Variants in ENOPH1 observed in about 807,000 individuals in gnomAD.
ENOPH1 encodes the protein enolase-phosphatase 1.
Under a neutral mutation model 31.1 loss-of-function variants are expected in ENOPH1, and 14 were observed. That is an observed-to-expected ratio of 0.45 (90% CI 0.30 to 0.70). The LOEUF is 0.70. Among genes scored for constraint, ENOPH1 ranks in the 30% least tolerant of loss-of-function variants. The pLI, the probability that ENOPH1 is intolerant of heterozygous loss-of-function variation, is 0.09. For missense variants in ENOPH1, 243 were observed against 321.5 expected (o/e 0.76, Z 1.87); for synonymous variants, 127 against 123.2 (o/e 1.03, Z -0.21).
rs1416268360 is a variant in ENOPH1 at position 82,450,894 on chromosome 4, A to T, written c.187-149A>T. 6.6e-6 allele frequency: 4 copies of T among 607,982 alleles called. No individual in the cohort carries two copies. The East Asian group carries it at 1.1e-4, about 17-fold the overall frequency. The allele number at this position is 607,982 out of a possible 1,614,324, so 37.7% of individuals were successfully genotyped here. On this transcript the variant is annotated intron_variant, in intron 2 of 5. Transcript: ENST00000273920. ...CCAGGTTCTTTTAGGAATCATTTGTATCAGCTCCAAAGTATATGATGTTTC... is the reference window on the plus strand; with the variant it reads ...CCAGGTTCTTTTAGGAATCATTTGTTTCAGCTCCAAAGTATATGATGTTTC...
rs1722629489 is a variant in ENOPH1 at position 82,460,900 on chromosome 4, T to C, written c.*780T>C. ...CACAGTTTGAGAATACGTTAATTGC[T>C]ATTTACTATTTAAAAAGTTTTACTG... On this transcript the variant is annotated 3_prime_UTR_variant, in exon 6 of 6. Coordinates refer to ENST00000273920, the MANE Select transcript of ENOPH1 (RefSeq NM_021204.5). 6.6e-6 allele frequency: 1 copy of C among 152,268 alleles called. No homozygotes were observed. Among genetic ancestry groups the C allele is most frequent in the South Asian group, 2.1e-4 (1 of 4,834 alleles). The allele number at this position is 152,268 out of a possible 1,614,324, so 9.4% of individuals were successfully genotyped here.
Position 82,447,838 on chromosome 4 carries a change from T to C in ENOPH1, c.85-82T>C, listed in dbSNP as rs540050617. 5 of 731,066 alleles carry C rather than the reference T, an allele frequency of 6.8e-6. No homozygotes were observed. The Admixed American group carries it at 9.1e-5, about 13-fold the overall frequency. 45.3% of individuals were successfully genotyped at this position (731,066 alleles called of 1,614,324 possible). A position where few individuals can be genotyped will look rare whatever the true frequency, so the allele number is the denominator to read the frequency against. ...TCCATTGATTTATTTGTTACAGTTA[T>C]GTAGGTAAGATTGTGGAAGAACTGG... On this transcript the variant is annotated intron_variant, in intron 1 of 5. Transcript: ENST00000273920.
intron 1 of ENOPH1, among the ~76,000 whole-genome samples, chr4:82,443,322 C>G (rs1412456750): frequency 1.3e-5 from 2 of 151,864 alleles, no homozygotes; most frequent in Non-Finnish European, 2.9e-5. Flanking sequence ...CCTGTAGTCC[C>G]AGCTACTCAG....
At chr4:82,453,092 A>G (rs562811387) in intron 3 of ENOPH1, among the ~76,000 whole-genome samples, 387 of 151,518 alleles carry the variant, frequency 2.6e-3, no homozygotes, top group African/African-American at 8.8e-3. Context: ...TAGTAGAGAC[A>G]GTGTTTCACC....
intron 1 of ENOPH1, among the ~76,000 whole-genome samples, chr4:82,439,051 C>G (rs59265670): frequency 3.9e-5 from 6 of 152,246 alleles, no homozygotes; most frequent in Middle Eastern, 3.4e-3. Flanking sequence ...ACTAAAGAGT[C>G]GTGTGGAAAG....
In ENOPH1 at chr4:82,433,402, T is replaced by C. The variant is rs1578091065; in HGVS notation, c.84+2489T>C. ...TTTTTCTGAATTTGACGCTAGGCAA[T>C]GTGCAATTTCAATGCAGGCTGCAAA... On this transcript the variant is annotated intron_variant, in intron 1 of 5. Coordinates refer to ENST00000273920, the MANE Select transcript of ENOPH1 (RefSeq NM_021204.5). Among the ~76,000 whole-genome samples, 3 of 152,322 alleles carry C rather than the reference T, an allele frequency of 2.0e-5. No individual in the cohort carries two copies. In the South Asian group the frequency reaches 6.2e-4, roughly 32 times the overall value.
intron 2 of ENOPH1, among the ~76,000 whole-genome samples, chr4:82,450,423 CCCTTA>C (rs148326016): frequency 1.9e-3 from 289 of 152,328 alleles, no homozygotes; most frequent in African/African-American, 6.9e-3. Flanking sequence ...TTACTTTCCT[CCCTTA>C]CCTTTTTTTG....
chr4:82,446,662 C>CTT (rs34342267), intron 1 of ENOPH1, among the ~76,000 whole-genome samples: 10,609 of 74,688 alleles, frequency 0.14, 1,654 homozygotes, highest in African/African-American at 0.32. Flanking sequence ...TTGCACATCA[C>CTT]TTTTTTTTTT....
At position 82,454,722 on chromosome 4, in the gene ENOPH1, G is replaced by T; in HGVS notation, c.390G>T (p.Glu130Asp). 6.2e-7 allele frequency: 1 copy of T among 1,612,468 alleles called. No individual in the cohort carries two copies. Among genetic ancestry groups the T allele is most frequent in the Non-Finnish European group, 8.5e-7 (1 of 1,179,628 alleles). The change falls in exon 4 of 6, where the codon GAG (glutamate) becomes GAT (aspartate). Residue 130 changes from glutamate (E) to aspartate (D), a missense_variant and splice_region_variant. Physicochemically the swap from Glu to Asp is conservative, Grantham distance 45 (BLOSUM62 2). Coordinates refer to ENST00000273920, the MANE Select transcript of ENOPH1 (RefSeq NM_021204.5). Reference protein sequence around the residue: ...AAFTAGRMKAEFFADVVPAVR... With the variant: ...AAFTAGRMKADFFADVVPAVR... ...TTTAACTTAGTGGTCTTCCCTCTAG[G>T]TTCTTTGCAGATGTAGTTCCAGCAG...
In ENOPH1 at chr4:82,454,716, C is replaced by T; in HGVS notation, c.390-6C>T. The T allele has an allele frequency of 6.2e-7, 1 of 1,611,686 alleles. No individual in the cohort carries two copies. Among genetic ancestry groups the T allele is most frequent in the Non-Finnish European group, 8.5e-7 (1 of 1,179,380 alleles). On this transcript the variant is annotated splice_polypyrimidine_tract_variant and splice_region_variant and intron_variant, in intron 3 of 5. Coordinates refer to ENST00000273920, the MANE Select transcript of ENOPH1 (RefSeq NM_021204.5). Reference sequence around the variant, plus strand: ...CTGTATTTTAACTTAGTGGTCTTCCCTCTAGGTTCTTTGCAGATGTAGTTC... The same window carrying T: ...CTGTATTTTAACTTAGTGGTCTTCCTTCTAGGTTCTTTGCAGATGTAGTTC...
At chr4:82,440,431 G>A (rs955638831) in intron 1 of ENOPH1, among the ~76,000 whole-genome samples, 2 of 152,176 alleles carry the variant, frequency 1.3e-5, no homozygotes, top group South Asian at 4.1e-4. Flanking sequence ...GATTTGATAG[G>A]CCTGGGTTTG....
At chr4:82,444,965 C>A (rs1722141921) in intron 1 of ENOPH1, among the ~76,000 whole-genome samples, 1 of 152,174 alleles carries the variant, frequency 6.6e-6, no homozygotes, top group African/African-American at 2.4e-5. Flanking sequence ...TGCCTGTAAT[C>A]CCAGCACTTT....
chr4:82,452,544 C>T (rs960065305), intron 3 of ENOPH1, among the ~76,000 whole-genome samples: 2 of 152,042 alleles, frequency 1.3e-5, no homozygotes, highest in Admixed American at 6.6e-5. Flanking sequence ...CACCCCATCT[C>T]AGCCTCCCAA....
chr4:82,458,802 T>A (rs1722567266), intron 5 of ENOPH1, among the ~76,000 whole-genome samples: 1 of 152,156 alleles, frequency 6.6e-6, no homozygotes, highest in Admixed American at 6.5e-5. Flanking sequence ...TCCAATGGCA[T>A]CTGCAGAGGT....
chr4:82,443,229 G>C (rs1722086982), intron 1 of ENOPH1, among the ~76,000 whole-genome samples: 2 of 151,970 alleles, frequency 1.3e-5, no homozygotes, highest in Admixed American at 1.3e-4. Context: ...CTGAGTCCAC[G>C]AGCTTGAGAC....
intron 5 of ENOPH1, among the ~76,000 whole-genome samples, chr4:82,458,094 A>G (rs1342612051): frequency 6.8e-6 from 1 of 147,910 alleles, no homozygotes; most frequent in African/African-American, 2.5e-5. Flanking sequence ...AACTTGGGTC[A>G]TCGGCAGCTG....
intron 1 of ENOPH1, among the ~76,000 whole-genome samples, chr4:82,431,291 T>C (rs984008659): frequency 1.3e-5 from 2 of 152,196 alleles, no homozygotes; most frequent in Non-Finnish European, 2.9e-5. Context: ...TCGGGCCTGG[T>C]GTGGCAGCGG....
At position 82,451,263 on chromosome 4, in the gene ENOPH1, C is replaced by T. The variant is rs373281162; in HGVS notation, c.389+18C>T. 2.0e-5 allele frequency: 32 copies of T among 1,610,870 alleles called. No homozygotes were observed. The African/African-American group carries it at 2.8e-4, about 14-fold the overall frequency. On this transcript the variant is annotated intron_variant, in intron 3 of 5. Coordinates refer to ENST00000273920, the MANE Select transcript of ENOPH1 (RefSeq NM_021204.5). The stretch of plus-strand genomic sequence containing the variant: ...AAAGCAGAGTATGTGCTTGAGTCAG[C>T]CTAAACATTTCACCAGTCCCAAATC...
chr4:82,459,675 C>T (rs1459267341), intron 5 of ENOPH1, among the ~76,000 whole-genome samples: 2 of 152,172 alleles, frequency 1.3e-5, no homozygotes, highest in African/African-American at 4.8e-5. Flanking sequence ...TAGGACAGAA[C>T]ATGGCTCCAT....
Sources: allele counts gnomAD v4.1 joint callset (sites outside exome capture counted in the v4.1 genomes callset), GRCh38; gene constraint gnomAD v4.1.1; transcripts MANE v1.5; gene names NCBI Gene and HGNC (gene_info 2026-07-23, HGNC 2026-07-21).